The following SIK2 variants were observed in gnomAD, a reference collection of about 807,000 sequenced individuals.
The protein encoded by SIK2 is serine/threonine-protein kinase SIK2.
SIK2 carries 29 observed loss-of-function variants against 103.2 expected under a neutral mutation model. The ratio of observed to expected loss-of-function variants is 0.28; its 90% confidence interval spans 0.21 to 0.38. The LOEUF is 0.38. SIK2 is among the 10% of genes least tolerant of loss of function. The pLI, the probability that SIK2 is intolerant of heterozygous loss-of-function variation, is 1.00. For missense variants in SIK2, 879 were observed against 1,171.0 expected, an observed-to-expected ratio of 0.75 and a Z score of 3.64; for synonymous variants, 412 against 446.1, an observed-to-expected ratio of 0.92 and a Z score of 0.96.
At chr11:111,721,322 A>T (rs1943794391) in intron 12 of SIK2, among the ~76,000 whole-genome samples, 1 of 152,164 alleles carries the variant, frequency 6.6e-6, no homozygotes, top group Admixed American at 6.5e-5. Flanking sequence ...CAGAGTACAG[A>T]TGAGTGACCT....
chr11:111,618,506 A>C (rs1346514533), intron 2 of SIK2, among the ~76,000 whole-genome samples: 1 of 152,146 alleles, frequency 6.6e-6, no homozygotes, highest in Admixed American at 6.5e-5. Context: ...CTCTTAGATC[A>C]AATTTATATC....
rs767693164 is a variant in SIK2 at position 111,646,363 on chromosome 11, C to T, written c.316+25961C>T. On this transcript the variant is annotated intron_variant, in intron 3 of 14. Coordinates refer to ENST00000304987, the MANE Select transcript of SIK2 (RefSeq NM_015191.3). ...ACTTGGGAGGCTGAAGCAGGAGAATCGCTTGAACCCAGGAGGCAGAGGTTG... is the reference window on the plus strand; with the variant it reads ...ACTTGGGAGGCTGAAGCAGGAGAATTGCTTGAACCCAGGAGGCAGAGGTTG... Among the ~76,000 whole-genome samples, 11 of 152,136 alleles carry T rather than the reference C, an allele frequency of 7.2e-5. 1 individual carries two copies. Among genetic ancestry groups the T allele is most frequent in the Non-Finnish European group, 1.3e-4 (9 of 68,020 alleles).
intron 11 of SIK2, 62 bp from the exon 12 acceptor site, chr11:111,720,837 C>T: frequency 6.3e-7 from 1 of 1,589,068 alleles, no homozygotes; most frequent in East Asian, 2.2e-5. Context: ...GTGTGGTCAC[C>T]TGTGGTCACT....
intron 3 of SIK2, among the ~76,000 whole-genome samples, chr11:111,667,526 C>CT (rs1942562941): frequency 7.5e-6 from 1 of 132,636 alleles, no homozygotes; most frequent in South Asian, 2.3e-4. Flanking sequence ...GGGTCTCACT[C>CT]TGTCGCCCAG....
rs1944011149 is a variant in SIK2, at chr11:111,727,492, T to TG, written c.*3367dup. On this transcript the variant is annotated 3_prime_UTR_variant, in exon 15 of 15. Coordinates refer to ENST00000304987, the MANE Select transcript of SIK2 (RefSeq NM_015191.3). ...CTTCCCAACTCTGGTGCTGGAGTAA[T>TG]GGGGTGCTCTGCATTTTGATGGGGA... 5.6e-6 allele frequency: 1 copy of TG among 179,060 alleles called. No homozygotes were observed. The allele number at this position is 179,060 out of a possible 1,614,324, so 11.1% of individuals were successfully genotyped here.
At chr11:111,698,421 G>A (rs1403540149) in intron 4 of SIK2, among the ~76,000 whole-genome samples, 1 of 152,144 alleles carries the variant, frequency 6.6e-6, no homozygotes, top group Non-Finnish European at 1.5e-5. Context: ...AGAATGAAGT[G>A]GCTCTATAAG....
intron 3 of SIK2, among the ~76,000 whole-genome samples, chr11:111,687,236 G>T (rs577721705): frequency 6.6e-6 from 1 of 152,034 alleles, no homozygotes; most frequent in African/African-American, 2.4e-5. Context: ...ATTTCTTCAG[G>T]CTGGGCACGG....
chr11:111,730,544 G>A lies in SIK2; in HGVS notation c.*6415G>A, dbSNP rs1944153797. The stretch of plus-strand genomic sequence containing the variant: ...GTTTTGCTGGATGTTTGGTCTGAAA[G>A]AGTTACTTTTGATAAAGTTAATCTA... On this transcript the variant is annotated 3_prime_UTR_variant, in exon 15 of 15. Transcript: ENST00000304987. 6.6e-6 allele frequency: 1 copy of A among 152,178 alleles called. No homozygotes were observed. Among genetic ancestry groups the A allele is most frequent in the Admixed American group, 6.5e-5 (1 of 15,282 alleles). The allele number at this position is 152,178 out of a possible 1,614,324, so 9.4% of individuals were successfully genotyped here. A position where few individuals can be genotyped will look rare whatever the true frequency, so the allele number is the denominator to read the frequency against.
At chr11:111,702,824 G>A (rs1024562793) in intron 6 of SIK2, among the ~76,000 whole-genome samples, 2 of 152,186 alleles carry the variant, frequency 1.3e-5, no homozygotes, top group African/African-American at 2.4e-5. Context: ...CCTCGCTTAC[G>A]TAGCCTTAGT....
rs1942565811 is a variant in SIK2 at position 111,667,724 on chromosome 11, C to T, written c.317-20277C>T. ...GCCAGGCTGGTGTTGAACTCCTGAC[C>T]TCAAGTGATCTGCCCATCTTGGCCT... On this transcript the variant is annotated intron_variant, in intron 3 of 14. Transcript: ENST00000304987. Among the ~76,000 whole-genome samples, 3 of 152,098 alleles carry T rather than the reference C, an allele frequency of 2.0e-5. No individual in the cohort carries two copies. The East Asian group carries it at 5.8e-4, about 30-fold the overall frequency.
intron 3 of SIK2, among the ~76,000 whole-genome samples, chr11:111,687,755 G>A (rs1057168897): frequency 2.0e-5 from 3 of 151,622 alleles, no homozygotes; most frequent in Admixed American, 6.6e-5. Context: ...ACAGGCACCC[G>A]CCACCATGCC....
At chr11:111,609,035 T>C (rs1941684178) in intron 1 of SIK2, among the ~76,000 whole-genome samples, 1 of 152,036 alleles carries the variant, frequency 6.6e-6, no homozygotes, top group South Asian at 2.1e-4. Context: ...AACAAATACA[T>C]GTTTACATTT....
Position 111,726,941 on chromosome 11 carries a change from T to C in SIK2, c.*2812T>C. On this transcript the variant is annotated 3_prime_UTR_variant, in exon 15 of 15. Coordinates refer to ENST00000304987, the MANE Select transcript of SIK2 (RefSeq NM_015191.3). ...AATATGTGTGGTACTTTATTTTTTA[T>C]GTTCTTTTTTTAAATCTGGGGTATT... 1 of 1,608,038 alleles carries C rather than the reference T, an allele frequency of 6.2e-7. No individual in the cohort carries two copies. Among genetic ancestry groups the C allele is most frequent in the Non-Finnish European group, 8.5e-7 (1 of 1,174,572 alleles).
At chr11:111,666,585 T>C (rs192799089) in intron 3 of SIK2, among the ~76,000 whole-genome samples, 1 of 152,352 alleles carries the variant, frequency 6.6e-6, no homozygotes, top group African/African-American at 2.4e-5. Context: ...TTGTTTTGTT[T>C]TGTGGCACTA....
chr11:111,699,874 T>C (rs758161253), intron 4 of SIK2, among the ~76,000 whole-genome samples: 1 of 152,216 alleles, frequency 6.6e-6, no homozygotes, highest in Non-Finnish European at 1.5e-5. Context: ...TGTCTGGCAG[T>C]AGAGACTTGA....
intron 3 of SIK2, among the ~76,000 whole-genome samples, chr11:111,667,932 A>G (rs546325234): frequency 6.6e-6 from 1 of 152,334 alleles, no homozygotes; most frequent in Non-Finnish European, 1.5e-5. Flanking sequence ...TTCGAGAATG[A>G]CATTTCAAGC....
At chr11:111,664,498 C>T (rs1591606514) in intron 3 of SIK2, among the ~76,000 whole-genome samples, 1 of 152,144 alleles carries the variant, frequency 6.6e-6, no homozygotes, top group African/African-American at 2.4e-5. Flanking sequence ...CGCCTGTAGT[C>T]CCAGCTACTA....
intron 3 of SIK2, among the ~76,000 whole-genome samples, chr11:111,650,508 G>A (rs1035290147): frequency 2.0e-5 from 3 of 152,102 alleles, no homozygotes; most frequent in African/African-American, 4.8e-5. Flanking sequence ...GTAATGATAT[G>A]ATGCTCTAGT....
rs116833384 is a variant in SIK2 at position 111,680,927 on chromosome 11, C to A, written c.317-7074C>A. Among the ~76,000 whole-genome samples the A allele has an allele frequency of 3.2e-3, 483 of 152,210 alleles. 2 individuals are homozygous for A. The highest frequency in any genetic ancestry group is 0.01 in the African/African-American group (423 of 41,504). ...TGAAATCTGCTTGTTGGGGCATCAG[C>A]CTTCAGGGTTGATAGAAGATGACTC... On this transcript the variant is annotated intron_variant, in intron 3 of 14. Transcript: ENST00000304987.
Sources: gnomAD v4.1 joint callset for allele counts (sites outside exome capture counted in the v4.1 genomes callset) on GRCh38, gnomAD v4.1.1 for gene constraint, MANE v1.5 for transcripts, NCBI Gene and HGNC (gene_info 2026-07-23, HGNC 2026-07-21) for gene names.